The following PCDH11X variants were observed in gnomAD, a reference collection of about 807,000 sequenced individuals.
The protein encoded by PCDH11X is protocadherin 11 X-linked, also known as protocadherin-11 X-linked.
PCDH11X carries 18 observed loss-of-function variants against 53.3 expected under a neutral mutation model. The ratio of observed to expected loss-of-function variants is 0.34; its 90% CI spans 0.23 to 0.50. The LOEUF is 0.50. Ranked by LOEUF, PCDH11X falls within the 20% of genes least tolerant of loss-of-function variation. PCDH11X has a pLI of 0.98. For synonymous variants in PCDH11X, 279 were observed against 393.3 expected, an observed-to-expected ratio of 0.71 and a Z score of 3.44; for missense variants, 570 against 1,032.4, an observed-to-expected ratio of 0.55 and a Z score of 6.14.
intron 4 of PCDH11X, among the ~76,000 whole-genome samples, chrX:91,822,592 C>A (rs1315669802): frequency 8.6e-5 from 9 of 104,957 alleles, no homozygotes; most frequent in African/African-American, 3.2e-4. Flanking sequence ...TGCTAGCAGT[C>A]TATCAATTTT....
At chrX:92,235,918 A>G in intron 7 of PCDH11X, among the ~76,000 whole-genome samples, 1 of 111,248 alleles carries the variant, frequency 9.0e-6, no homozygotes, top group Non-Finnish European at 1.9e-5. Context: ...TATTGAACTA[A>G]TGTTTCCCTA....
chrX:92,107,048 C>G (rs2476099), intron 6 of PCDH11X, among the ~76,000 whole-genome samples: 1 of 111,952 alleles, frequency 8.9e-6, no homozygotes, highest in Non-Finnish European at 1.9e-5. Context: ...TCCAAACATT[C>G]CTTTCTATTG....
At chrX:91,935,849 C>T (rs1211355288) in intron 6 of PCDH11X, among the ~76,000 whole-genome samples, 1 of 108,111 alleles carries the variant, frequency 9.2e-6, no homozygotes, top group African/African-American at 3.4e-5. Context: ...TAGATTCAAA[C>T]ATATACTGAT....
intron 6 of PCDH11X, among the ~76,000 whole-genome samples, chrX:91,894,617 G>T (rs999648079): frequency 2.7e-5 from 3 of 111,208 alleles, no homozygotes; most frequent in South Asian, 3.9e-4. Flanking sequence ...GAGTCTAACT[G>T]AAAAGGTACA....
intron 6 of PCDH11X, among the ~76,000 whole-genome samples, chrX:92,154,433 A>G (rs747954927): frequency 9.2e-6 from 1 of 108,177 alleles, no homozygotes; most frequent in Admixed American, 9.9e-5. Flanking sequence ...ATTATTATTG[A>G]TACGGAAGTG....
intron 9 of PCDH11X, among the ~76,000 whole-genome samples, chrX:92,403,025 G>C (rs1174570904): frequency 3.7e-5 from 4 of 108,389 alleles, no homozygotes; most frequent in African/African-American, 1.3e-4. Context: ...GATTCTAATT[G>C]AAGATGAATA....
intron 10 of PCDH11X, among the ~76,000 whole-genome samples, chrX:92,580,141 C>G (rs1455019395): frequency 2.9e-5 from 3 of 101,719 alleles, no homozygotes; most frequent in East Asian, 5.8e-4. Context: ...CAGAGGGGCA[C>G]TGAACTTATG....
intron 5 of PCDH11X, among the ~76,000 whole-genome samples, chrX:91,871,055 C>G (rs770289559): frequency 9.1e-6 from 1 of 110,122 alleles, no homozygotes; most frequent in East Asian, 2.8e-4. Context: ...TGCATAGACT[C>G]TAAAAGGTAC....
chrX:92,441,371 T>C (rs2072511526), intron 9 of PCDH11X, among the ~76,000 whole-genome samples: 1 of 111,371 alleles, frequency 9.0e-6, no homozygotes, highest in African/African-American at 3.3e-5. Context: ...GGAGGCTTTA[T>C]GGCAGCCCCT....
At chrX:92,314,135 G>C (rs775124900) in intron 8 of PCDH11X, among the ~76,000 whole-genome samples, 1 of 111,894 alleles carries the variant, frequency 8.9e-6, no homozygotes, top group Non-Finnish European at 1.9e-5. Context: ...ATAACACTTA[G>C]TTTAAAACAC....
At chrX:92,268,883 A>G (rs1282627638) in intron 8 of PCDH11X, among the ~76,000 whole-genome samples, 1 of 112,459 alleles carries the variant, frequency 8.9e-6, no homozygotes, top group Non-Finnish European at 1.9e-5. Flanking sequence ...TCTACTAAAA[A>G]TACAAACTGG....
At chrX:92,050,899 A>G (rs1438218229) in intron 6 of PCDH11X, among the ~76,000 whole-genome samples, 3 of 109,995 alleles carry the variant, frequency 2.7e-5, no homozygotes, top group African/African-American at 9.9e-5. Context: ...TCTCAATGTA[A>G]TAAATATTTG....
At chrX:92,548,271 C>T (rs921419808) in intron 10 of PCDH11X, among the ~76,000 whole-genome samples, 7 of 110,428 alleles carry the variant, frequency 6.3e-5, no homozygotes, top group African/African-American at 2.0e-4. Flanking sequence ...CCCAGGCTTA[C>T]GTGATCCTCG....
At chrX:92,108,517 A>T (rs1010843115) in intron 6 of PCDH11X, among the ~76,000 whole-genome samples, 1 of 98,652 alleles carries the variant, frequency 1.0e-5, no homozygotes, top group African/African-American at 5.0e-5. Flanking sequence ...AATATGATTA[A>T]AAAAAAAAGC....
chrX:92,315,512 A>T (rs1317674963), intron 8 of PCDH11X, among the ~76,000 whole-genome samples: 2 of 111,554 alleles, frequency 1.8e-5, no homozygotes, highest in Admixed American at 1.9e-4. Context: ...TCCTTGATAG[A>T]AATGATAGAA....
intron 10 of PCDH11X, among the ~76,000 whole-genome samples, chrX:92,514,908 G>A (rs938646512): frequency 1.9e-5 from 2 of 105,842 alleles, no homozygotes; most frequent in East Asian, 6.0e-4. Context: ...TTAGCCAGGC[G>A]TGGTGGCGGG....
At chrX:92,591,342 A>AGTT in intron 10 of PCDH11X, among the ~76,000 whole-genome samples, 1 of 111,322 alleles carries the variant, frequency 9.0e-6, no homozygotes, top group Middle Eastern at 4.2e-3. Context: ...TGTGCAAACC[A>AGTT]GTTGAGTGAT....
chrX:92,531,792 A>G (rs1332431046), intron 10 of PCDH11X, among the ~76,000 whole-genome samples: 1 of 111,284 alleles, frequency 9.0e-6, no homozygotes, highest in African/African-American at 3.3e-5. Context: ...ATGAAAGATC[A>G]TGACCTAACA....
intron 10 of PCDH11X, among the ~76,000 whole-genome samples, chrX:92,576,011 T>TATACACAC (rs1376237034): frequency 3.6e-5 from 1 of 28,097 alleles, no homozygotes; most frequent in East Asian, 7.6e-4. Context: ...TATATATATA[T>TATACACAC]ACACACACAC....
Sources: gnomAD v4.1 joint callset for allele counts (sites outside exome capture counted in the v4.1 genomes callset) on GRCh38, gnomAD v4.1.1 for gene constraint, MANE v1.5 for transcripts, NCBI Gene and HGNC (gene_info 2026-07-23, HGNC 2026-07-21) for gene names.